The following ACAD11 variants were observed in gnomAD, a reference collection of about 807,000 sequenced individuals.
The protein encoded by ACAD11 is acyl-Coenzyme A dehydrogenase family, member 11.
In ACAD11, 83 loss-of-function variants were observed where a neutral mutation model predicts 102.2. The ratio of observed to expected loss-of-function variants is 0.81; its 90% CI spans 0.68 to 0.97. The LOEUF (loss-of-function observed/expected upper bound fraction) is 0.97. Ranked by LOEUF, ACAD11 falls within the 50% of genes least tolerant of loss-of-function variation. The pLI is 0.00. For synonymous variants in ACAD11, 324 were observed against 319.8 expected, an observed-to-expected ratio of 1.01 and a Z score of -0.14; for missense variants, 901 against 951.7, an observed-to-expected ratio of 0.95 and a Z score of 0.70.
intron 1 of ACAD11, among the ~76,000 whole-genome samples, chr3:132,655,126 C>T (rs1212819085): frequency 6.6e-6 from 1 of 152,154 alleles, no homozygotes; most frequent in South Asian, 2.1e-4. Context: ...TTGACCAAAA[C>T]GTCATTATGC....
At chr3:132,596,671 T>G (rs113349774) in intron 13 of ACAD11, among the ~76,000 whole-genome samples, 3,443 of 152,224 alleles carry the variant, frequency 0.023, 140 homozygotes, top group African/African-American at 0.078. Context: ...AAGGTTCATA[T>G]TCTAGCTTTG....
intron 1 of ACAD11, among the ~76,000 whole-genome samples, chr3:132,659,040 C>T (rs1937980771): frequency 6.6e-6 from 1 of 152,136 alleles, no homozygotes; most frequent in Non-Finnish European, 1.5e-5. Flanking sequence ...TATTGTAAAA[C>T]ATCAGACTAA....
intron 11 of ACAD11, among the ~76,000 whole-genome samples, chr3:132,615,606 C>G (rs1341480935): frequency 6.6e-6 from 1 of 152,150 alleles, no homozygotes; most frequent in Admixed American, 6.5e-5. Flanking sequence ...TATTCTCACT[C>G]ATAAGTAGGA....
intron 17 of ACAD11, among the ~76,000 whole-genome samples, chr3:132,568,468 T>G (rs1203385578): frequency 6.6e-6 from 1 of 152,154 alleles, no homozygotes; most frequent in Non-Finnish European, 1.5e-5. Context: ...AAGATATCAA[T>G]TTTTCTTAAT....
At chr3:132,625,457 A>G (rs1235528779) in intron 9 of ACAD11, among the ~76,000 whole-genome samples, 1 of 152,170 alleles carries the variant, frequency 6.6e-6, no homozygotes, top group Non-Finnish European at 1.5e-5. Context: ...AAAGTGTTGC[A>G]TTCCCTTTTT....
In ACAD11 at chr3:132,644,829, G is replaced by C. The variant is rs751766822; in HGVS notation, c.217C>G (p.Pro73Ala). Residue 73 changes from proline (P) to alanine (A), a missense_variant, in exon 2 of 20, where the codon CCA becomes GCA. Transcript: ENST00000264990. ...GCTTTAGGAAGAAGTGAACCTGGTG[G>C]TTTTTTCCTGAGCACATATGTTTGA... ...GFQTYVLRKKPPGSLLPKAHQ... is the reference protein window; with the variant it reads ...GFQTYVLRKKAPGSLLPKAHQ... The C allele has an allele frequency of 6.2e-7, 1 of 1,612,360 alleles. No homozygotes were observed. The highest frequency in any genetic ancestry group is 8.5e-7 in the Non-Finnish European group (1 of 1,179,210).
At chr3:132,652,921 T>C (rs1937610266) in intron 1 of ACAD11, among the ~76,000 whole-genome samples, 1 of 152,156 alleles carries the variant, frequency 6.6e-6, no homozygotes, top group Non-Finnish European at 1.5e-5. Context: ...GAATCACTAT[T>C]GGTTAAGGTC....
chr3:132,655,452 C>T (rs1284812062), intron 1 of ACAD11, among the ~76,000 whole-genome samples: 1 of 152,202 alleles, frequency 6.6e-6, no homozygotes, highest in Non-Finnish European at 1.5e-5. Flanking sequence ...CTTGCTTACA[C>T]TACTTCAGGC....
intron 5 of ACAD11, among the ~76,000 whole-genome samples, chr3:132,633,718 A>G (rs1316763476): frequency 6.6e-6 from 1 of 152,192 alleles, no homozygotes; most frequent in Non-Finnish European, 1.5e-5. Flanking sequence ...GTAATAGACC[A>G]ATGGAACAGA....
At chr3:132,641,024 C>T (rs763637126) in intron 4 of ACAD11, among the ~76,000 whole-genome samples, 7 of 152,108 alleles carry the variant, frequency 4.6e-5, no homozygotes, top group Non-Finnish European at 8.8e-5. Flanking sequence ...CAACTTCCAC[C>T]CTTTGAATCA....
chr3:132,641,692 GGAAGAGGAA>G lies in ACAD11; in HGVS notation c.537+271_537+279del, dbSNP rs1202699757. The stretch of plus-strand genomic sequence containing the variant: ...AAGAAGAGGAAGAGGAAGAGGAAGA[GGAAGAGGAA>G]GAAGAAGAAGAAGAAGAAGAAGAAG... On this transcript the variant is annotated intron_variant, in intron 4 of 19. Transcript: ENST00000264990. Among the ~76,000 whole-genome samples the G allele has an allele frequency of 3.8e-3, 479 of 126,034 alleles. 4 individuals carry two copies. The highest frequency in any genetic ancestry group is 0.012 in the African/African-American group (422 of 34,532). The allele number at this position is 126,034 out of a possible 152,430, so 82.7% of individuals were successfully genotyped here.
intron 3 of ACAD11, 33 bp from the exon 4 acceptor site, chr3:132,642,166 G>A (rs1940551759): frequency 6.4e-7 from 1 of 1,566,134 alleles, no homozygotes; most frequent in Non-Finnish European, 8.7e-7. Flanking sequence ...TTATTTAAAT[G>A]TGTATAATCA....
chr3:132,600,426 A>T (rs750127744), intron 13 of ACAD11: 2 of 1,604,688 alleles, frequency 1.2e-6, no homozygotes, highest in Admixed American at 3.4e-5. Context: ...CAGTCAACAG[A>T]TTATTATTAT....
chr3:132,563,610 T>TACTGACCTTGTATCCTGTGACTTTGCTA (rs1937127281), intron 17 of ACAD11, among the ~76,000 whole-genome samples: 1 of 152,210 alleles, frequency 6.6e-6, no homozygotes, highest in African/African-American at 2.4e-5. Context: ...AATTGTTACG[T>TACTGACCTTGTATCCTGTGACTTTGCTA]ACTGACCTTG....
intron 2 of ACAD11, among the ~76,000 whole-genome samples, chr3:132,643,331 T>C (rs1473526723): frequency 1.3e-5 from 2 of 152,194 alleles, no homozygotes; most frequent in Non-Finnish European, 1.5e-5. Flanking sequence ...GGATCTTTCC[T>C]GGCACTCAGG....
intron 16 of ACAD11, 27 bp from the exon 17 acceptor site, chr3:132,575,953 G>T: frequency 6.2e-7 from 1 of 1,612,056 alleles, no homozygotes; most frequent in Non-Finnish European, 8.5e-7. Flanking sequence ...AAAAAAGGGG[G>T]AATGTGAAAA....
At chr3:132,577,797 A>G (rs1407939745) in intron 15 of ACAD11, among the ~76,000 whole-genome samples, 1 of 152,316 alleles carries the variant, frequency 6.6e-6, no homozygotes, top group East Asian at 1.9e-4. Flanking sequence ...TTCATACTGA[A>G]TAATCAAATG....
Position 132,628,340 on chromosome 3 carries a change from C to T in ACAD11, c.1070G>A (p.Arg357Gln). ...LAETGLQLSK[R>Q]TFSTVLPQID... ...TAGCCAAGGAATCTGTTTTCCTTACCGTTTGGAGAGTTGTAGTCCAGTTTC... is the reference window on the plus strand; with the variant it reads ...TAGCCAAGGAATCTGTTTTCCTTACTGTTTGGAGAGTTGTAGTCCAGTTTC... The change falls in exon 8 of 20, where the codon CGA (arginine) becomes CAA (glutamine). Residue 357 changes from arginine to glutamine, a missense_variant and splice_region_variant. Physicochemically the swap from Arg to Gln is conservative, Grantham distance 43. Coordinates refer to ENST00000264990, the MANE Select transcript of ACAD11 (RefSeq NM_032169.5). 6.2e-7 allele frequency: 1 copy of T among 1,608,872 alleles called. No homozygotes were observed. Among genetic ancestry groups the T allele is most frequent in the Non-Finnish European group, 8.5e-7 (1 of 1,177,076 alleles).
At chr3:132,579,348 G>T in intron 14 of ACAD11, 144 bp downstream of exon 14, 1 of 708,506 alleles carries the variant, frequency 1.4e-6, no homozygotes. Flanking sequence ...GAAAATACTT[G>T]TGAAATACAA....
Sources: gnomAD v4.1 joint callset for allele counts (sites outside exome capture counted in the v4.1 genomes callset) on GRCh38, gnomAD v4.1.1 for gene constraint, MANE v1.5 for transcripts, NCBI Gene and HGNC (gene_info 2026-07-23, HGNC 2026-07-21) for gene names.